The following RELN variants were observed in gnomAD, a reference collection of about 807,000 sequenced individuals.
RELN encodes the protein reelin.
In RELN, 108 loss-of-function variants were observed where a neutral mutation model predicts 427.6. The observed-to-expected ratio is 0.25, with a 90% CI of 0.22 to 0.30. RELN has a LOEUF of 0.30. RELN is among the 10% of genes least tolerant of loss of function. The probability of loss-of-function intolerance (pLI) is 1.00; values close to 1 mark genes in which losing one functional copy is unlikely to be tolerated. For synonymous variants in RELN, 1,524 were observed against 1,513.4 expected, an observed-to-expected ratio of 1.01 and a Z score of -0.16; for missense variants, 3,715 against 4,302.8, an observed-to-expected ratio of 0.86 and a Z score of 3.82.
At chr7:103,862,409 T>TTCTA (rs66998908) in intron 2 of RELN, among the ~76,000 whole-genome samples, 17,829 of 144,284 alleles carry the variant, frequency 0.12, 1,211 homozygotes, top group African/African-American at 0.18. Flanking sequence ...TATGCTTTTG[T>TTCTA]TCTATCTATC....
At position 103,589,823 on chromosome 7, in the gene RELN, G is replaced by A. The variant is rs369450191; in HGVS notation, c.3918C>T (p.Asn1306=). The change falls in exon 28 of 65, where the codon AAC becomes AAT. Residue 1306 remains asparagine, a synonymous_variant. Transcript: ENST00000428762. ...TGCTGAATTGATTGGCACAACCTAT[G>A]TTTAGCTGTTAAAAGGAAGGACAAG... ...KPGYVLQFKL[N]IGCANQFSST... The A allele has an allele frequency of 6.3e-7, 1 of 1,590,688 alleles. No homozygotes were observed. The highest frequency in any genetic ancestry group is 1.3e-5 in the African/African-American group (1 of 74,430).
intron 28 of RELN, among the ~76,000 whole-genome samples, chr7:103,584,259 G>A (rs1831219196): frequency 6.6e-6 from 1 of 152,180 alleles, no homozygotes; most frequent in Non-Finnish European, 1.5e-5. Context: ...AACTAGGAAG[G>A]TACAGACTGG....
chr7:103,498,410 T>C (rs756570035), intron 53 of RELN, among the ~76,000 whole-genome samples, 158 bp from the exon 54 acceptor site: 2 of 152,228 alleles, frequency 1.3e-5, no homozygotes, highest in African/African-American at 2.4e-5. Flanking sequence ...CACAATCTTT[T>C]TTCCTGTCGT....
At chr7:103,516,593 C>A (rs1486675133) in intron 49 of RELN, among the ~76,000 whole-genome samples, 1 of 151,854 alleles carries the variant, frequency 6.6e-6, no homozygotes, top group Non-Finnish European at 1.5e-5. Context: ...CAGCCAGTAT[C>A]ATCTTATTTT....
intron 3 of RELN, among the ~76,000 whole-genome samples, chr7:103,783,071 C>T (rs1020186021): frequency 2.6e-5 from 4 of 151,612 alleles, no homozygotes; most frequent in Admixed American, 6.6e-5. Context: ...GATCTGAGTT[C>T]GGTAAATTTG....
At chr7:103,508,050 C>T (rs1005725894) in intron 51 of RELN, among the ~76,000 whole-genome samples, 13 of 152,098 alleles carry the variant, frequency 8.5e-5, no homozygotes, top group African/African-American at 3.1e-4. Flanking sequence ...TAATAGCCTA[C>T]TAAACAAAAA....
intron 1 of RELN, among the ~76,000 whole-genome samples, chr7:103,975,588 C>T (rs1430433042): frequency 6.6e-6 from 1 of 151,002 alleles, no homozygotes; most frequent in African/African-American, 2.4e-5. Flanking sequence ...CGCTCTGTCG[C>T]CCAGGCTGGA....
chr7:103,608,890 T>G (rs766067096), intron 22 of RELN, among the ~76,000 whole-genome samples: 2 of 152,054 alleles, frequency 1.3e-5, no homozygotes, highest in Non-Finnish European at 2.9e-5. Context: ...ATAAGAACAA[T>G]AGTTCATAAT....
chr7:103,954,459 CACACACATGCATAA>C (rs900958531), intron 1 of RELN, among the ~76,000 whole-genome samples: 4 of 134,880 alleles, frequency 3.0e-5, no homozygotes, highest in Non-Finnish European at 6.7e-5. Flanking sequence ...TGTGTGTGTG[CACACACATGCATAA>C]GTTATTTACT....
At chr7:103,711,212 A>G (rs1423271734) in intron 8 of RELN, among the ~76,000 whole-genome samples, 1 of 152,150 alleles carries the variant, frequency 6.6e-6, no homozygotes, top group Non-Finnish European at 1.5e-5. Flanking sequence ...ATTTGTTTTT[A>G]TTTCTTTTTG....
At chr7:103,875,339 A>C (rs1176197045) in intron 2 of RELN, among the ~76,000 whole-genome samples, 4 of 151,458 alleles carry the variant, frequency 2.6e-5, no homozygotes, top group Non-Finnish European at 5.9e-5. Flanking sequence ...AATGGCAACA[A>C]AAGCCAAAAT....
chr7:103,987,194 A>G (rs563252106), intron 1 of RELN, among the ~76,000 whole-genome samples: 3 of 152,336 alleles, frequency 2.0e-5, no homozygotes, highest in Admixed American at 6.5e-5. Flanking sequence ...AAAGCTTATA[A>G]TAATTTGACC....
chr7:103,671,204 A>G (rs1833385309), intron 11 of RELN, among the ~76,000 whole-genome samples: 1 of 152,112 alleles, frequency 6.6e-6, no homozygotes, highest in Non-Finnish European at 1.5e-5. Context: ...TTCTCCACCT[A>G]TCGTTGCATT....
intron 1 of RELN, among the ~76,000 whole-genome samples, chr7:103,923,582 T>C (rs997163591): frequency 6.6e-6 from 1 of 152,140 alleles, no homozygotes; most frequent in Non-Finnish European, 1.5e-5. Flanking sequence ...GGATAATAAA[T>C]TCAGTTTATT....
At chr7:103,630,856 T>G (rs200551188) in intron 19 of RELN, among the ~76,000 whole-genome samples, 2,692 of 83,480 alleles carry the variant, frequency 0.032, 38 homozygotes, top group African/African-American at 0.053. Context: ...TTTTTGTTTT[T>G]TTTGTTTTTT....
At chr7:103,848,982 C>T (rs1485058490) in intron 2 of RELN, among the ~76,000 whole-genome samples, 1 of 152,118 alleles carries the variant, frequency 6.6e-6, no homozygotes, top group African/African-American at 2.4e-5. Context: ...AAAAGTTCCC[C>T]ATACCCTACC....
chr7:103,709,024 A>G (rs1419219889), intron 8 of RELN, among the ~76,000 whole-genome samples: 1 of 152,210 alleles, frequency 6.6e-6, no homozygotes, highest in Non-Finnish European at 1.5e-5. Context: ...TGCTTCACAC[A>G]GAAGAGGAGC....
Position 103,539,345 on chromosome 7 carries a change from A to G in RELN, c.6931-18T>C. 6.2e-7 allele frequency: 1 copy of G among 1,612,122 alleles called. No individual in the cohort carries two copies. Among genetic ancestry groups the G allele is most frequent in the Non-Finnish European group, 8.5e-7 (1 of 1,178,384 alleles). Reference sequence around the variant, plus strand: ...ATAAGAATCTGAAATGTATTTTTAAAAAATCCCAAATTTTCCATTTAGTTT... The same window carrying G: ...ATAAGAATCTGAAATGTATTTTTAAGAAATCCCAAATTTTCCATTTAGTTT... On this transcript the variant is annotated intron_variant, in intron 44 of 64. Coordinates refer to ENST00000428762, the MANE Select transcript of RELN (RefSeq NM_005045.4).
chr7:103,542,694 G>T, intron 43 of RELN, 37 bp downstream of exon 43: 1 of 1,609,916 alleles, frequency 6.2e-7, no homozygotes, highest in South Asian at 1.1e-5. Flanking sequence ...TATACATTAC[G>T]ATGTGGTTTT....
Sources: gnomAD v4.1 joint callset for allele counts (sites outside exome capture counted in the v4.1 genomes callset) on GRCh38, gnomAD v4.1.1 for gene constraint, MANE v1.5 for transcripts, NCBI Gene and HGNC (gene_info 2026-07-23, HGNC 2026-07-21) for gene names.